PCDHGB2: variants seen among roughly 807,000 people sequenced by gnomAD.
PCDHGB2 encodes the protein protocadherin gamma subfamily B, 2.
A neutral mutation model predicts 59.3 loss-of-function variants in PCDHGB2; 55 were observed. That is an observed-to-expected ratio of 0.93 (90% CI 0.75 to 1.16). The LOEUF is 1.16. PCDHGB2 is among the 50% of genes most tolerant of loss of function. The pLI, the probability that PCDHGB2 is intolerant of heterozygous loss-of-function variation, is 0.00. For missense variants in PCDHGB2, 1,228 were observed against 1,198.5 expected (o/e 1.02, Z -0.36); for synonymous variants, 516 against 512.0 (o/e 1.01, Z -0.11).
chr5:141,428,891 G>A (rs1382228334), intron 1 of PCDHGB2: 3 of 149,832 alleles, frequency 2.0e-5, no homozygotes, highest in East Asian at 3.9e-4. Flanking sequence ...GTCTCGCTCT[G>A]TGGTCCAGGC....
Position 141,486,054 on chromosome 5 carries a change from G to T in PCDHGB2, c.2422-8753G>T. The T allele has an allele frequency of 1.2e-6, 2 of 1,614,124 alleles. No homozygotes were observed. Among genetic ancestry groups the T allele is most frequent in the South Asian group, 1.1e-5 (1 of 91,072 alleles). On this transcript the variant is annotated intron_variant, in intron 1 of 3. Transcript: ENST00000522605. The surrounding 1 kb of genome is among the most constrained non-coding windows in gnomAD (Gnocchi z 5.0). The stretch of plus-strand genomic sequence containing the variant: ...CCTGATCGTGTAAGAAACCTCTTTA[G>T]CCTGCACCCCACTACTGGAAAGCTT...
chr5:141,424,353 T>C (rs923306479), intron 1 of PCDHGB2: 1 of 152,246 alleles, frequency 6.6e-6, no homozygotes, highest in African/African-American at 2.4e-5. Flanking sequence ...GGAGATAAAA[T>C]TTAGATCACA....
chr5:141,486,166 G>A lies in PCDHGB2; in HGVS notation c.2422-8641G>A. ...GCGATGGGGGTTCTCCAGCCATGGA[G>A]CAACATTGCAGCCTTCGAGTGGATC... On this transcript the variant is annotated intron_variant, in intron 1 of 3. Coordinates refer to ENST00000522605, the MANE Select transcript of PCDHGB2 (RefSeq NM_018923.3). The surrounding 1 kb of genome is among the most constrained non-coding windows in gnomAD (Gnocchi z 5.0). The A allele has an allele frequency of 2.5e-6, 4 of 1,614,224 alleles. No individual in the cohort carries two copies. The highest frequency in any genetic ancestry group is 3.4e-6 in the Non-Finnish European group (4 of 1,180,040).
intron 1 of PCDHGB2, chr5:141,442,197 A>G (rs1267971703): frequency 1.3e-5 from 2 of 153,426 alleles, no homozygotes; most frequent in African/African-American, 4.8e-5. Context: ...ATTAATTTAT[A>G]TCTGGTGATT....
intron 1 of PCDHGB2, among the ~76,000 whole-genome samples, chr5:141,436,896 A>C (rs567359498): frequency 6.6e-6 from 1 of 152,368 alleles, no homozygotes; most frequent in East Asian, 1.9e-4. Context: ...AAAGATTTTT[A>C]TATGAGACAA....
intron 1 of PCDHGB2, among the ~76,000 whole-genome samples, chr5:141,480,949 G>A (rs949853273): frequency 2.0e-4 from 30 of 152,136 alleles, no homozygotes; most frequent in African/African-American, 4.6e-4. Flanking sequence ...AGAGGCTGAG[G>A]CGGAAGCATC....
At chr5:141,376,472 T>C (rs1561574117) in intron 1 of PCDHGB2, 1 of 1,614,108 alleles carries the variant, frequency 6.2e-7, no homozygotes, top group Non-Finnish European at 8.5e-7. Context: ...AACTCAGGAT[T>C]TACTTGAAAC....
At chr5:141,433,853 A>G (rs934981508) in intron 1 of PCDHGB2, among the ~76,000 whole-genome samples, 1 of 152,026 alleles carries the variant, frequency 6.6e-6, no homozygotes, top group Non-Finnish European at 1.5e-5. Flanking sequence ...AAAAAAAAAA[A>G]AACTTTATCC....
At chr5:141,506,231 A>G (rs1453468632) in intron 3 of PCDHGB2, among the ~76,000 whole-genome samples, 4 of 152,082 alleles carry the variant, frequency 2.6e-5, no homozygotes, top group African/African-American at 4.8e-5. Context: ...CAGGAGGATC[A>G]TGAGGTCAGG....
Position 141,490,688 on chromosome 5 carries a change from C to G in PCDHGB2, c.2422-4119C>G. 1 of 1,614,218 alleles carries G rather than the reference C, an allele frequency of 6.2e-7. No individual in the cohort carries two copies. Among genetic ancestry groups the G allele is most frequent in the Non-Finnish European group, 8.5e-7 (1 of 1,180,032 alleles). On this transcript the variant is annotated intron_variant, in intron 1 of 3. Coordinates refer to ENST00000522605, the MANE Select transcript of PCDHGB2 (RefSeq NM_018923.3). The surrounding 1 kb of genome is among the most constrained non-coding windows in gnomAD (Gnocchi z 5.4). ...ACTGTGGCTGCCTCAGATCCAGACA[C>G]TGGGGATAATGCCCGCCTCACCTAC...
intron 1 of PCDHGB2, chr5:141,413,769 G>T: frequency 6.2e-7 from 1 of 1,612,870 alleles, no homozygotes; most frequent in Non-Finnish European, 8.5e-7. Flanking sequence ...ACCCGGAGCT[G>T]GTACTGGAGC....
At chr5:141,380,165 G>C (rs900894194) in intron 1 of PCDHGB2, among the ~76,000 whole-genome samples, 2 of 152,092 alleles carry the variant, frequency 1.3e-5, no homozygotes, top group Non-Finnish European at 2.9e-5. Flanking sequence ...CTCTCAAAGG[G>C]CTGGGATTAC....
chr5:141,441,838 C>A, intron 1 of PCDHGB2: 1 of 355,582 alleles, frequency 2.8e-6, no homozygotes, highest in Non-Finnish European at 5.5e-6. Context: ...TGGCTTCGCG[C>A]TCTTGGATAT....
chr5:141,472,795 G>A (rs939788734), intron 1 of PCDHGB2, among the ~76,000 whole-genome samples: 1 of 151,794 alleles, frequency 6.6e-6, no homozygotes, highest in Non-Finnish European at 1.5e-5. Flanking sequence ...AGATCAGCCT[G>A]ACCAACATGG....
rs754728562 is a variant in PCDHGB2, at chr5:141,489,487, G to A, written c.2422-5320G>A. 6.2e-7 allele frequency: 1 copy of A among 1,613,942 alleles called. No individual in the cohort carries two copies. On this transcript the variant is annotated intron_variant, in intron 1 of 3. Coordinates refer to ENST00000522605, the MANE Select transcript of PCDHGB2 (RefSeq NM_018923.3). This position sits in a 1 kb window ranked among gnomAD's most constrained non-coding sequence, Gnocchi z 4.5. The stretch of plus-strand genomic sequence containing the variant: ...TTTTTCCCTGAGCTTGATGAGTGGT[G>A]CCCTGGCAGTGAATCAAAAGATTGA...
rs57426385 is a variant in PCDHGB2 at position 141,415,740 on chromosome 5, G to GTTT, written c.2421+53214_2421+53216dup. ...TGAGTAGAATTTGATGTTTATTAAG[G>GTTT]TTTTTTTTTTTTTTTTTTTTTTTTT... On this transcript the variant is annotated intron_variant, in intron 1 of 3. Transcript: ENST00000522605. 6,178 of 620,014 alleles carry GTTT rather than the reference G, an allele frequency of 1.0e-2. 42 individuals are homozygous for GTTT. Among genetic ancestry groups the GTTT allele is most frequent in the South Asian group, 0.019 (660 of 34,340 alleles). The allele number at this position is 620,014 out of a possible 1,614,324, so 38.4% of individuals were successfully genotyped here. A position where few individuals can be genotyped will look rare whatever the true frequency, so the allele number is the denominator to read the frequency against.
intron 1 of PCDHGB2, chr5:141,375,263 T>C (rs200233213): frequency 1.2e-6 from 2 of 1,613,828 alleles, no homozygotes; most frequent in Non-Finnish European, 1.7e-6. Context: ...CCCATTTGAA[T>C]TGGAAAAATC....
intron 1 of PCDHGB2, chr5:141,372,285 A>C (rs1588702702): frequency 6.2e-7 from 1 of 1,613,032 alleles, no homozygotes; most frequent in Non-Finnish European, 8.5e-7. Flanking sequence ...CACGGCGCGT[A>C]CCTTGGGCGA....
intron 1 of PCDHGB2, chr5:141,400,310 G>C: frequency 6.2e-7 from 1 of 1,614,084 alleles, no homozygotes; most frequent in African/African-American, 1.3e-5. Context: ...CCTGGTCTCT[G>C]TGTCAAGTCT....
Sources: gnomAD v4.1 joint callset for allele counts (sites outside exome capture counted in the v4.1 genomes callset) on GRCh38, gnomAD v4.1.1 for gene constraint, Gnocchi (gnomAD v3.1) non-coding constraint, MANE v1.5 for transcripts, NCBI Gene and HGNC (gene_info 2026-07-23, HGNC 2026-07-21) for gene names.